The following HDAC9 variants were observed in gnomAD, a reference collection of about 807,000 sequenced individuals.
HDAC9 encodes histone deacetylase 9.
In HDAC9, 41 loss-of-function variants were observed where a neutral mutation model predicts 139.4. The observed-to-expected ratio is 0.29, with a 90% CI of 0.23 to 0.38. The LOEUF is 0.38. Among genes scored for constraint, HDAC9 ranks in the 10% least tolerant of loss-of-function variants. The pLI is 1.00. For synonymous variants in HDAC9, 517 were observed against 476.2 expected, an observed-to-expected ratio of 1.09 and a Z score of -1.12; for missense variants, 1,147 against 1,297.0, an observed-to-expected ratio of 0.88 and a Z score of 1.78.
At chr7:18,337,688 G>A (rs1303299910) in intron 1 of HDAC9, among the ~76,000 whole-genome samples, 2 of 151,622 alleles carry the variant, frequency 1.3e-5, no homozygotes, top group African/African-American at 2.4e-5. Context: ...ATATTTAGTC[G>A]CCATATTAAA....
chr7:18,459,476 T>A (rs867146672), intron 1 of HDAC9, among the ~76,000 whole-genome samples: 3 of 152,258 alleles, frequency 2.0e-5, no homozygotes, highest in East Asian at 1.9e-4. Flanking sequence ...AGTTTTTTTT[T>A]AAAGCATTTG....
At chr7:18,177,265 A>T (rs1338815312) in intron 2 of HDAC9, among the ~76,000 whole-genome samples, 2 of 152,182 alleles carry the variant, frequency 1.3e-5, no homozygotes, top group African/African-American at 4.8e-5. Context: ...AAATTCTGTG[A>T]AGTTGCTTGA....
intron 7 of HDAC9, among the ~76,000 whole-genome samples, chr7:18,630,279 T>G (rs1781929380): frequency 6.6e-6 from 1 of 152,110 alleles, no homozygotes. Flanking sequence ...AAAGAAGTGG[T>G]AATCTGCAAC....
At position 18,323,632 on chromosome 7, in the gene HDAC9, TG is replaced by T. The variant is rs1800202354; in HGVS notation, c.-42+33121del. 2.0e-5 allele frequency among the ~76,000 whole-genome samples: 3 copies of T among 152,178 alleles called. No individual in the cohort carries two copies. In the South Asian group the frequency reaches 6.2e-4, roughly 32 times the overall value. On this transcript the variant is annotated intron_variant, in intron 1 of 3. Coordinates refer to the HDAC9 transcript ENST00000413509. ...TTAAAAGCTCCCATGTCCTAAGTTT[TG>T]GGGATCAACAATGAATAAGACCTAG...
chr7:18,532,239 C>G (rs540994755), intron 2 of HDAC9, among the ~76,000 whole-genome samples: 2 of 152,154 alleles, frequency 1.3e-5, no homozygotes, highest in African/African-American at 4.8e-5. Flanking sequence ...GACGCCATCT[C>G]AGAACAACAA....
chr7:18,146,938 A>G (rs1046541269), intron 1 of HDAC9, among the ~76,000 whole-genome samples: 1 of 152,220 alleles, frequency 6.6e-6, no homozygotes, highest in Non-Finnish European at 1.5e-5. Context: ...GTTTGATAGA[A>G]GTATAAGTAA....
rs149095570 is a variant in HDAC9, at chr7:18,264,757, A to G, written c.25+102408A>G. On this transcript the variant is annotated intron_variant, in intron 2 of 12. Coordinates refer to the HDAC9 transcript ENST00000417496. ...ATGGAATAGACTAGTTTATATTACT[A>G]TCTATCTTATTGACATCTCAAAGCC... Among the ~76,000 whole-genome samples, 178 of 152,312 alleles carry G rather than the reference A, an allele frequency of 1.2e-3. 1 individual carries two copies. Among genetic ancestry groups the G allele is most frequent in the Middle Eastern group, 6.8e-3 (2 of 294 alleles).
intron 2 of HDAC9, among the ~76,000 whole-genome samples, chr7:18,168,280 G>C (rs1052604524): frequency 1.3e-5 from 2 of 151,974 alleles, no homozygotes; most frequent in African/African-American, 4.8e-5. Flanking sequence ...TTGCATTTTG[G>C]GGTCACGTTT....
intron 1 of HDAC9, among the ~76,000 whole-genome samples, chr7:18,464,838 T>C (rs994080603): frequency 2.0e-5 from 3 of 152,084 alleles, no homozygotes; most frequent in African/African-American, 4.8e-5. Flanking sequence ...CTTCAATTTA[T>C]GTCCTCTAAG....
At chr7:18,418,422 A>G (rs9638753) in intron 1 of HDAC9, among the ~76,000 whole-genome samples, 1 of 145,530 alleles carries the variant, frequency 6.9e-6, no homozygotes, top group East Asian at 2.1e-4. Context: ...AAGTATACAA[A>G]CCAAAAAAAA....
chr7:18,261,045 G>A (rs1795638396), intron 2 of HDAC9, among the ~76,000 whole-genome samples: 1 of 152,102 alleles, frequency 6.6e-6, no homozygotes, highest in African/African-American at 2.4e-5. Flanking sequence ...GCTCATGTTT[G>A]TAATCCCAAC....
intron 23 of HDAC9, chr7:18,949,031 A>G (rs79063286): frequency 0.051 from 20,730 of 404,014 alleles, 958 homozygotes; most frequent in African/African-American, 0.17. Flanking sequence ...ACTTGCTTGC[A>G]TTTTTGCTTT....
At chr7:18,833,028 G>T (rs1315205246) in intron 19 of HDAC9, among the ~76,000 whole-genome samples, 1 of 152,074 alleles carries the variant, frequency 6.6e-6, no homozygotes, top group Non-Finnish European at 1.5e-5. Context: ...GAGTCACCAT[G>T]CCCAGCCTTA....
intron 12 of HDAC9, among the ~76,000 whole-genome samples, chr7:18,696,995 C>T (rs1783102119): frequency 6.6e-6 from 1 of 152,124 alleles, no homozygotes. Flanking sequence ...GCACAAACAA[C>T]TTATTACGGA....
chr7:18,490,266 C>A (rs557057284), intron 1 of HDAC9, among the ~76,000 whole-genome samples: 11 of 152,124 alleles, frequency 7.2e-5, no homozygotes, highest in African/African-American at 2.6e-4. Flanking sequence ...CTGACTTACT[C>A]GTTCTGGGGT....
intron 1 of HDAC9, among the ~76,000 whole-genome samples, chr7:18,477,004 A>T (rs1465471194): frequency 6.6e-6 from 1 of 152,174 alleles, no homozygotes; most frequent in African/African-American, 2.4e-5. Flanking sequence ...GAAAAATAAT[A>T]CTTACCACTT....
chr7:18,275,575 T>C (rs1206575818), intron 2 of HDAC9, among the ~76,000 whole-genome samples: 2 of 152,306 alleles, frequency 1.3e-5, no homozygotes, highest in South Asian at 2.1e-4. Context: ...TTCTTTTAAC[T>C]CTCCCCTTCG....
chr7:18,873,849 G>T (rs1699275242), intron 21 of HDAC9, among the ~76,000 whole-genome samples: 1 of 152,106 alleles, frequency 6.6e-6, no homozygotes, highest in South Asian at 2.1e-4. Context: ...TCTGACTGGG[G>T]CCAGCAGGGG....
chr7:18,700,497 C>T (rs754536119), intron 12 of HDAC9, among the ~76,000 whole-genome samples: 1 of 152,200 alleles, frequency 6.6e-6, no homozygotes, highest in African/African-American at 2.4e-5. Flanking sequence ...GTGTTGGTAA[C>T]AGTTTTCAGT....
Sources: gnomAD v4.1 joint callset for allele counts (sites outside exome capture counted in the v4.1 genomes callset) on GRCh38, gnomAD v4.1.1 for gene constraint, MANE v1.5 for transcripts, NCBI Gene and HGNC (gene_info 2026-07-23, HGNC 2026-07-21) for gene names.